The following ATP10B variants were observed in gnomAD, a reference collection of about 807,000 sequenced individuals.
The protein encoded by ATP10B is ATPase phospholipid transporting 10B (putative).
A neutral mutation model predicts 141.2 loss-of-function variants in ATP10B; 122 were observed. The ratio of observed to expected loss-of-function variants is 0.86; its 90% CI spans 0.75 to 1.00. The LOEUF (loss-of-function observed/expected upper bound fraction) is 1.00. ATP10B is among the 50% of genes least tolerant of loss of function. ATP10B has a pLI of 0.00. For synonymous variants in ATP10B, 685 were observed against 692.0 expected (o/e 0.99, Z 0.16); for missense variants, 1,876 against 1,825.3 (o/e 1.03, Z -0.51).
the ATP10B span, among the ~76,000 whole-genome samples, chr5:160,870,246 A>G: frequency 6.6e-6 from 1 of 152,162 alleles, no homozygotes; most frequent in Admixed American, 6.5e-5. Context: ...GACAGACTGA[A>G]TCACAGGACT....
intron 3 of ATP10B, among the ~76,000 whole-genome samples, chr5:160,709,621 T>A (rs1277832661): frequency 6.7e-6 from 1 of 149,516 alleles, no homozygotes; most frequent in Non-Finnish European, 1.5e-5. Context: ...TTTTTTTTTT[T>A]ATTATACTCT....
intron 7 of ATP10B, among the ~76,000 whole-genome samples, chr5:160,663,617 C>T (rs1762111536): frequency 6.6e-6 from 1 of 151,992 alleles, no homozygotes. Context: ...GGAAGGGGAA[C>T]ATCACACACT....
At chr5:160,593,143 G>A (rs985871433) in intron 22 of ATP10B, among the ~76,000 whole-genome samples, 3 of 152,224 alleles carry the variant, frequency 2.0e-5, no homozygotes, top group Admixed American at 6.5e-5. Flanking sequence ...TGACCCCTGA[G>A]CAGCCTAACT....
At chr5:160,736,905 C>CCA (rs1767157786) in intron 2 of ATP10B, among the ~76,000 whole-genome samples, 1 of 152,192 alleles carries the variant, frequency 6.6e-6, no homozygotes, top group Non-Finnish European at 1.5e-5. Flanking sequence ...CTAACTCATT[C>CCA]TATGAGGCCA....
chr5:160,693,896 T>A (rs562409697), intron 3 of ATP10B, among the ~76,000 whole-genome samples: 20 of 152,308 alleles, frequency 1.3e-4, no homozygotes, highest in Admixed American at 1.0e-3. Flanking sequence ...CAACAGGCCA[T>A]GGACTGCTAT....
At chr5:160,877,427 C>T in the ATP10B span, among the ~76,000 whole-genome samples, 1 of 141,434 alleles carries the variant, frequency 7.1e-6, no homozygotes, top group African/African-American at 2.6e-5. Flanking sequence ...CAGCCAATAT[C>T]ATACTGAATG....
the ATP10B span, among the ~76,000 whole-genome samples, chr5:160,906,767 G>A: frequency 6.6e-6 from 1 of 152,138 alleles, no homozygotes; most frequent in Admixed American, 6.5e-5. Flanking sequence ...CCTCCTGCTC[G>A]ACATGGAGTT....
At chr5:160,842,808 C>CCA (rs140556592) in intron 1 of ATP10B, among the ~76,000 whole-genome samples, 7,032 of 150,244 alleles carry the variant, frequency 0.047, 219 homozygotes, top group South Asian at 0.1. Context: ...TAAAACATTC[C>CCA]CACACACACA....
the ATP10B span, among the ~76,000 whole-genome samples, chr5:160,894,570 A>G: frequency 1.3e-5 from 2 of 152,130 alleles, no homozygotes; most frequent in Non-Finnish European, 2.9e-5. Flanking sequence ...GACCAAACCT[A>G]TGTTTGATTG....
intron 24 of ATP10B, among the ~76,000 whole-genome samples, chr5:160,574,633 G>C (rs767276333): frequency 6.6e-6 from 1 of 152,032 alleles, no homozygotes; most frequent in Non-Finnish European, 1.5e-5. Flanking sequence ...TAAGAGGAGG[G>C]GCCTTTTGGA....
chr5:160,777,695 A>G (rs1472874991), intron 2 of ATP10B, among the ~76,000 whole-genome samples: 1 of 152,198 alleles, frequency 6.6e-6, no homozygotes, highest in Non-Finnish European at 1.5e-5. Context: ...AATCAGCAAA[A>G]AGCTACCAAA....
intron 2 of ATP10B, among the ~76,000 whole-genome samples, chr5:160,781,127 G>T (rs1216447818): frequency 6.6e-6 from 1 of 152,140 alleles, no homozygotes; most frequent in Non-Finnish European, 1.5e-5. Flanking sequence ...TCGAAAATAA[G>T]AAGAAATCCA....
chr5:160,755,873 ATATATT>A (rs1443719431), intron 2 of ATP10B, among the ~76,000 whole-genome samples: 1 of 115,282 alleles, frequency 8.7e-6, no homozygotes, highest in Admixed American at 8.4e-5. Flanking sequence ...ATATATATAT[ATATATT>A]ATAATTTTAT....
At chr5:160,828,175 A>T (rs1446110506) in intron 1 of ATP10B, among the ~76,000 whole-genome samples, 2 of 152,134 alleles carry the variant, frequency 1.3e-5, no homozygotes, top group African/African-American at 4.8e-5. Context: ...CTAAAACACC[A>T]AAAGCAATGG....
chr5:160,601,377 A>G (rs1259266168), intron 21 of ATP10B, among the ~76,000 whole-genome samples: 2 of 152,112 alleles, frequency 1.3e-5, no homozygotes, highest in Non-Finnish European at 2.9e-5. Flanking sequence ...CTCCCCTTTT[A>G]CTTATGCAAA....
chr5:160,924,121 C>T, the ATP10B span, among the ~76,000 whole-genome samples: 1 of 152,206 alleles, frequency 6.6e-6, no homozygotes, highest in Non-Finnish European at 1.5e-5. Context: ...CTCAGGAAAA[C>T]AAGTGAGGCA....
intron 1 of ATP10B, among the ~76,000 whole-genome samples, chr5:160,798,561 A>G (rs1450559649): frequency 6.6e-6 from 1 of 152,128 alleles, no homozygotes; most frequent in Non-Finnish European, 1.5e-5. Flanking sequence ...AGTAGCAGCA[A>G]GAAAGGCTCC....
At chr5:160,828,195 C>A (rs950577141) in intron 1 of ATP10B, among the ~76,000 whole-genome samples, 64 of 152,116 alleles carry the variant, frequency 4.2e-4, no homozygotes, top group Middle Eastern at 3.4e-3. Flanking sequence ...GCAACAGAAG[C>A]CAAAATTGAC....
intron 3 of ATP10B, 116 bp downstream of exon 3, chr5:160,716,793 T>C: frequency 1.4e-6 from 1 of 706,324 alleles, no homozygotes; most frequent in Non-Finnish European, 1.7e-6. Flanking sequence ...TCCTTAGCTC[T>C]GGTTTCCATC....
Sources: allele counts gnomAD v4.1 joint callset (sites outside exome capture counted in the v4.1 genomes callset), GRCh38; gene constraint gnomAD v4.1.1; transcripts MANE v1.5; gene names NCBI Gene and HGNC (gene_info 2026-07-23, HGNC 2026-07-21).